Variants in NELL2 observed in about 807,000 individuals in gnomAD.
NELL2 encodes protein kinase C-binding protein NELL2.
In NELL2, 41 loss-of-function variants were observed where a neutral mutation model predicts 109.6. That is an observed-to-expected ratio of 0.37 (90% CI 0.29 to 0.49). The LOEUF is 0.49. Ranked by LOEUF, NELL2 falls within the 20% of genes least tolerant of loss-of-function variation. The pLI is 0.98. For missense variants in NELL2, 900 were observed against 1,008.3 expected (o/e 0.89, Z 1.45); for synonymous variants, 355 against 344.7 (o/e 1.03, Z -0.33).
upstream of NELL2, among the ~76,000 whole-genome samples, chr12:44,878,131 T>G (rs1245405998): frequency 6.6e-6 from 1 of 152,190 alleles, no homozygotes; most frequent in Admixed American, 6.6e-5. Flanking sequence ...TTCAACCAAC[T>G]CATGAAAGTA....
chr12:44,533,178 A>G (rs1396055008), intron 15 of NELL2, among the ~76,000 whole-genome samples: 1 of 152,180 alleles, frequency 6.6e-6, no homozygotes, highest in African/African-American at 2.4e-5. Context: ...CCCTATCACA[A>G]TGACTAGCCA....
chr12:44,736,437 T>C (rs1939657188), intron 9 of NELL2, among the ~76,000 whole-genome samples: 1 of 152,110 alleles, frequency 6.6e-6, no homozygotes, highest in South Asian at 2.1e-4. Flanking sequence ...TCTAGCATTC[T>C]AAAGGGCAAA....
chr12:44,558,475 G>T (rs1307252779), intron 15 of NELL2, among the ~76,000 whole-genome samples: 1 of 152,186 alleles, frequency 6.6e-6, no homozygotes, highest in Non-Finnish European at 1.5e-5. Context: ...ATGTTATTGG[G>T]ACTGGTTAGA....
chr12:44,706,700 C>T (rs1412062028), intron 11 of NELL2, among the ~76,000 whole-genome samples: 1 of 152,104 alleles, frequency 6.6e-6, no homozygotes, highest in Non-Finnish European at 1.5e-5. Flanking sequence ...TAGAGCACTA[C>T]TAAGCTGAAA....
chr12:44,652,448 G>A (rs1947336905), intron 13 of NELL2, among the ~76,000 whole-genome samples: 1 of 152,140 alleles, frequency 6.6e-6, no homozygotes, highest in Admixed American at 6.6e-5. Context: ...CATTTTTACA[G>A]CAAAAACCAA....
intron 2 of NELL2, among the ~76,000 whole-genome samples, chr12:44,827,298 A>T (rs1713202882): frequency 6.6e-6 from 1 of 152,200 alleles, no homozygotes; most frequent in South Asian, 2.1e-4. Flanking sequence ...TTTGTGTTAT[A>T]AACAACCCCA....
At chr12:44,795,786 C>A (rs1251859956) in intron 3 of NELL2, among the ~76,000 whole-genome samples, 2 of 152,088 alleles carry the variant, frequency 1.3e-5, no homozygotes, top group African/African-American at 2.4e-5. Flanking sequence ...GGTGGCTTTC[C>A]TCATTTATTA....
chr12:44,707,035 A>G (rs1485693846), intron 11 of NELL2, among the ~76,000 whole-genome samples: 1 of 152,196 alleles, frequency 6.6e-6, no homozygotes, highest in African/African-American at 2.4e-5. Flanking sequence ...AGAATACAAT[A>G]ATTTTGTGGT....
chr12:44,600,165 T>C (rs1002526454), intron 15 of NELL2, among the ~76,000 whole-genome samples: 3 of 147,834 alleles, frequency 2.0e-5, no homozygotes, highest in African/African-American at 7.4e-5. Flanking sequence ...TATTTATTTA[T>C]TTATTTATTT....
At chr12:44,848,633 A>G (rs1944444151) in intron 2 of NELL2, among the ~76,000 whole-genome samples, 1 of 151,922 alleles carries the variant, frequency 6.6e-6, no homozygotes, top group Non-Finnish European at 1.5e-5. Flanking sequence ...CAAAAACCAT[A>G]CCTCTCTCCT....
At chr12:44,525,946 A>C (rs1941750152) in intron 16 of NELL2, among the ~76,000 whole-genome samples, 1 of 152,178 alleles carries the variant, frequency 6.6e-6, no homozygotes. Flanking sequence ...TTTTTGAGGC[A>C]AGAGCGTGCT....
upstream of NELL2, among the ~76,000 whole-genome samples, chr12:44,917,624 T>C (rs959007066): frequency 5.3e-5 from 8 of 152,200 alleles, no homozygotes; most frequent in Non-Finnish European, 1.2e-4. Context: ...CGATAGAATA[T>C]GGCAAAGATT....
intron 13 of NELL2, among the ~76,000 whole-genome samples, chr12:44,626,029 CT>C (rs1946251230): frequency 6.6e-6 from 1 of 151,914 alleles, no homozygotes; most frequent in Admixed American, 6.6e-5. Context: ...TCTCTAACAT[CT>C]CTAAAAAATG....
chr12:44,664,353 T>C (rs1040533532), intron 13 of NELL2, among the ~76,000 whole-genome samples: 1 of 152,114 alleles, frequency 6.6e-6, no homozygotes, highest in African/African-American at 2.4e-5. Context: ...ATATCTTCAG[T>C]TATTTTCCAT....
At chr12:44,549,340 ATTCT>A (rs929399652) in intron 15 of NELL2, among the ~76,000 whole-genome samples, 1 of 152,134 alleles carries the variant, frequency 6.6e-6, no homozygotes, top group African/African-American at 2.4e-5. Flanking sequence ...GTCTCTTATT[ATTCT>A]GCTGGTTGGA....
rs576226047 is a variant in NELL2, at chr12:44,818,073, G to A, written c.185-1937C>T. On this transcript the variant is annotated intron_variant, in intron 2 of 19. Coordinates refer to ENST00000429094, the MANE Select transcript of NELL2 (RefSeq NM_001145108.2). ...CAACATTCATAACTCAAAAGCATAA[G>A]AGTAATCTGAAACTTTTGCCACAAT... 4.6e-5 allele frequency among the ~76,000 whole-genome samples: 7 copies of A among 152,288 alleles called. No individual in the cohort carries two copies. In the South Asian group the frequency reaches 1.5e-3, roughly 32 times the overall value.
upstream of NELL2, chr12:44,914,219 A>C (rs1945808998): frequency 6.5e-6 from 1 of 152,924 alleles, no homozygotes; most frequent in Non-Finnish European, 1.5e-5. Flanking sequence ...CTTGAAGTAA[A>C]AGCTGAAGTC....
intron 1 of NELL2, among the ~76,000 whole-genome samples, chr12:44,908,094 T>C (rs1400098579): frequency 2.0e-5 from 3 of 151,964 alleles, no homozygotes; most frequent in Non-Finnish European, 4.4e-5. Flanking sequence ...GGAAAATGTA[T>C]GAAATGGACA....
intron 15 of NELL2, among the ~76,000 whole-genome samples, chr12:44,565,567 G>A (rs1326253890): frequency 6.6e-6 from 1 of 152,138 alleles, no homozygotes; most frequent in Non-Finnish European, 1.5e-5. Context: ...ATTGAGGGAA[G>A]AGCAAGTGCA....
Sources: allele counts gnomAD v4.1 joint callset (sites outside exome capture counted in the v4.1 genomes callset), GRCh38; gene constraint gnomAD v4.1.1; transcripts MANE v1.5; gene names NCBI Gene and HGNC (gene_info 2026-07-23, HGNC 2026-07-21).